Variants in TWSG1 observed in about 807,000 individuals in gnomAD.
The protein encoded by TWSG1 is twisted gastrulation BMP signaling modulator 1, also known as twisted gastrulation protein homolog 1.
In TWSG1, 15 loss-of-function variants were observed where a neutral mutation model predicts 23.0. The observed-to-expected ratio is 0.65, with a 90% confidence interval of 0.44 to 1.00. The LOEUF (loss-of-function observed/expected upper bound fraction) is 1.00, where lower values mean the gene tolerates loss of function less well. Ranked by LOEUF, TWSG1 falls within the 50% of genes least tolerant of loss-of-function variation. TWSG1 has a pLI of 0.00. For synonymous variants in TWSG1, 86 were observed against 92.8 expected (o/e 0.93, Z 0.42); for missense variants, 242 against 278.7 (o/e 0.87, Z 0.94).
intron 3 of TWSG1, among the ~76,000 whole-genome samples, chr18:9,363,789 A>G (rs2040564000): frequency 1.3e-5 from 2 of 149,936 alleles, no homozygotes; most frequent in Admixed American, 6.6e-5. Flanking sequence ...CCATATCTAG[A>G]TACTTTTTTG....
chr18:9,345,619 A>G (rs1296333923), intron 2 of TWSG1, among the ~76,000 whole-genome samples: 2 of 152,146 alleles, frequency 1.3e-5, no homozygotes, highest in South Asian at 2.1e-4. Flanking sequence ...TTATATCTCT[A>G]TTTTTATGCT....
chr18:9,384,763 A>C lies in TWSG1; in HGVS notation c.224-11517A>C, dbSNP rs547022051. ...TGGGTTTAAGCTATTCTCTTGCCTC[A>C]GCCTCCCGAGTAGCTGGGACTACAG... On this transcript the variant is annotated intron_variant, in intron 3 of 4. Transcript: ENST00000262120. Among the ~76,000 whole-genome samples, 15 of 151,414 alleles carry C rather than the reference A, an allele frequency of 9.9e-5. No homozygotes were observed. In the Middle Eastern group the frequency reaches 0.01, roughly 103 times the overall value.
At chr18:9,397,953 G>A (rs1366872823) in intron 4 of TWSG1, among the ~76,000 whole-genome samples, 8 of 140,946 alleles carry the variant, frequency 5.7e-5, no homozygotes, top group Middle Eastern at 4.2e-3. Context: ...GCGGTGAGCC[G>A]AGATCGCGCC....
intron 2 of TWSG1, among the ~76,000 whole-genome samples, chr18:9,354,224 T>G (rs2040514706): frequency 6.6e-6 from 1 of 152,126 alleles, no homozygotes; most frequent in Non-Finnish European, 1.5e-5. Flanking sequence ...ACTTAAAAAA[T>G]AAGGATAATA....
At chr18:9,389,423 A>C (rs2040701097) in intron 3 of TWSG1, among the ~76,000 whole-genome samples, 1 of 152,230 alleles carries the variant, frequency 6.6e-6, no homozygotes, top group Admixed American at 6.5e-5. Flanking sequence ...TGAAATCAGG[A>C]GGCTACATCA....
intron 2 of TWSG1, among the ~76,000 whole-genome samples, chr18:9,352,137 A>G (rs2145600627): frequency 6.6e-6 from 1 of 151,984 alleles, no homozygotes; most frequent in Admixed American, 6.5e-5. Context: ...TTTTCTCTAT[A>G]GTTTTGCCTT....
chr18:9,383,184 TTTTTTTTTTG>T (rs1198633252), intron 3 of TWSG1, among the ~76,000 whole-genome samples: 4 of 67,798 alleles, frequency 5.9e-5, no homozygotes, highest in African/African-American at 3.0e-4. Context: ...GAATTACACG[TTTTTTTTTTG>T]TTTTTTTTTT....
Position 9,399,515 on chromosome 18 carries a change from C to G in TWSG1, c.660C>G (p.Asn220Lys). The G allele has an allele frequency of 6.2e-7, 1 of 1,602,478 alleles. No homozygotes were observed. The highest frequency in any genetic ancestry group is 8.5e-7 in the Non-Finnish European group (1 of 1,176,730). Residue 220 changes from asparagine (N) to lysine (K), a missense_variant, in exon 5 of 5, where the codon AAC (asparagine) becomes AAG (lysine). By Grantham distance (94) the Asn-to-Lys change is moderately conservative. Coordinates refer to ENST00000262120, the MANE Select transcript of TWSG1 (RefSeq NM_020648.6). ...GTAGTAAAACTGTCAAATGTATGAA[C>G]TGCATGTTTTAAAGAAGACAAATGC... ...DYGSKTVKCM[N>K]CMF
chr18:9,398,075 G>T (rs954399230), intron 4 of TWSG1, among the ~76,000 whole-genome samples: 2 of 150,426 alleles, frequency 1.3e-5, no homozygotes, highest in Non-Finnish European at 3.0e-5. Flanking sequence ...ATAGTAAAAG[G>T]CAAAACAGCT....
intron 3 of TWSG1, among the ~76,000 whole-genome samples, chr18:9,373,220 T>C (rs1483460952): frequency 6.6e-6 from 1 of 152,176 alleles, no homozygotes; most frequent in East Asian, 1.9e-4. Context: ...ATCTTTAATG[T>C]GTATGCACCT....
chr18:9,353,108 T>C (rs11877558), intron 2 of TWSG1, among the ~76,000 whole-genome samples: 1,678 of 152,326 alleles, frequency 0.011, 30 homozygotes, highest in African/African-American at 0.037. Context: ...TACAGGTTTG[T>C]AGCCTAGGAA....
At chr18:9,396,147 C>G (rs1203282500) in intron 3 of TWSG1, 133 bp from the exon 4 acceptor site, 1 of 387,672 alleles carries the variant, frequency 2.6e-6, no homozygotes, top group Admixed American at 5.7e-5. Flanking sequence ...GCTCACCCAG[C>G]AAAAAAAAAA....
chr18:9,395,858 C>T (rs560540907), intron 3 of TWSG1, among the ~76,000 whole-genome samples: 187 of 152,338 alleles, frequency 1.2e-3, no homozygotes, highest in African/African-American at 3.8e-3. Context: ...TGAGCCACTG[C>T]GCTCAGCTTA....
intron 2 of TWSG1, among the ~76,000 whole-genome samples, chr18:9,340,570 TG>T (rs757398426): frequency 3.9e-5 from 6 of 152,292 alleles, no homozygotes; most frequent in Non-Finnish European, 7.4e-5. Context: ...TTACTATGGC[TG>T]TGTGGCAAAC....
chr18:9,391,662 T>A (rs1308757328), intron 3 of TWSG1, among the ~76,000 whole-genome samples: 1 of 152,244 alleles, frequency 6.6e-6, no homozygotes, highest in African/African-American at 2.4e-5. Context: ...AATGAAATGT[T>A]TGAAATATTG....
intron 3 of TWSG1, among the ~76,000 whole-genome samples, chr18:9,385,165 C>A (rs1219748174): frequency 3.3e-5 from 5 of 152,108 alleles, no homozygotes; most frequent in Non-Finnish European, 5.9e-5. Flanking sequence ...TAACCAATTC[C>A]CTCCTCCATT....
intron 2 of TWSG1, among the ~76,000 whole-genome samples, chr18:9,346,022 A>C (rs912266260): frequency 1.3e-5 from 2 of 152,106 alleles, no homozygotes; most frequent in Non-Finnish European, 2.9e-5. Flanking sequence ...ATTAGCATTA[A>C]CTCTTTGTGT....
intron 3 of TWSG1, among the ~76,000 whole-genome samples, chr18:9,361,905 C>A (rs2040554440): frequency 6.6e-6 from 1 of 152,216 alleles, no homozygotes; most frequent in Admixed American, 6.5e-5. Context: ...ACCTCCAGCT[C>A]CTGAGTCTCC....
intron 3 of TWSG1, among the ~76,000 whole-genome samples, chr18:9,371,738 A>G (rs945673306): frequency 2.0e-5 from 3 of 151,832 alleles, no homozygotes; most frequent in African/African-American, 7.3e-5. Flanking sequence ...GAACACACAA[A>G]GAATAAGTGA....
Sources: gnomAD v4.1 joint callset for allele counts (sites outside exome capture counted in the v4.1 genomes callset) on GRCh38, gnomAD v4.1.1 for gene constraint, MANE v1.5 for transcripts, NCBI Gene and HGNC (gene_info 2026-07-23, HGNC 2026-07-21) for gene names.